The following MAP1S variants were observed in gnomAD, a reference collection of about 807,000 sequenced individuals.
MAP1S encodes microtubule associated protein 1S.
A neutral mutation model predicts 60.9 loss-of-function variants in MAP1S; 27 were observed. That is an observed-to-expected ratio of 0.44 (90% CI 0.33 to 0.61). The LOEUF is 0.61. MAP1S is among the 20% of genes least tolerant of loss of function. The probability of loss-of-function intolerance (pLI) is 0.03; values close to 1 mark genes in which losing one functional copy is unlikely to be tolerated. For synonymous variants in MAP1S, 826 were observed against 694.2 expected (o/e 1.19, Z -2.98); for missense variants, 1,608 against 1,486.6 (o/e 1.08, Z -1.34).
chr19:17,721,326 T>C (rs1280775718), intron 2 of MAP1S: 2 of 415,768 alleles, frequency 4.8e-6, no homozygotes, highest in Non-Finnish European at 9.1e-6. Context: ...GAAACTGCTA[T>C]GACTGGTGTG....
rs968904998 is a variant in MAP1S at position 17,728,558 on chromosome 19, C to CT, written c.2788+400dup. 3.7e-3 allele frequency among the ~76,000 whole-genome samples: 527 copies of CT among 142,674 alleles called. 2 individuals are homozygous for CT. The highest frequency in any genetic ancestry group is 7.4e-3 in the Middle Eastern group (2 of 272). 93.6% of individuals were successfully genotyped at this position (142,674 alleles called of 152,430 possible). A position where few individuals can be genotyped will look rare whatever the true frequency, so the allele number is the denominator to read the frequency against. On this transcript the variant is annotated intron_variant, in intron 5 of 6. Transcript: ENST00000324096. ...GCCACGGTGCCCTGCCAGTTCTGTT[C>CT]TTTTTTTTTTTTTTGAGACAGAATT...
rs1262629250 is a variant in MAP1S at position 17,727,680 on chromosome 19, A to G, written c.2296A>G (p.Ser766Gly). 1.2e-6 allele frequency: 2 copies of G among 1,609,614 alleles called. No individual in the cohort carries two copies. The highest frequency in any genetic ancestry group is 1.7e-6 in the Non-Finnish European group (2 of 1,179,534). ...TGCGTCCCCCGGCAGCTCGAATGAC[A>G]GCAGTGCCCGGTCACAGGAACGGGC... The part of the protein sequence containing the change: ...APASPGSSND[S>G]SARSQERAGG... The change falls in exon 5 of 7, where the codon AGC becomes GGC. Residue 766 changes from serine (S) to glycine (G), a missense_variant. Ser to Gly is a moderately conservative substitution (Grantham distance 56). This residue lies in a region of MAP1S where 1,167 missense variants were observed against 961.4 expected (regional missense o/e 1.21). Coordinates refer to ENST00000324096, the MANE Select transcript of MAP1S (RefSeq NM_018174.6). This position sits in a 1 kb window ranked among gnomAD's most constrained non-coding sequence, Gnocchi z 4.1.
intron 5 of MAP1S, chr19:17,732,978 G>A (rs2080504689): frequency 1.8e-6 from 1 of 541,898 alleles, no homozygotes; most frequent in Non-Finnish European, 3.3e-6. Flanking sequence ...CTTGAGCCCA[G>A]GAGTTTGTGA....
Position 17,725,130 on chromosome 19 carries a change from C to T in MAP1S, c.385C>T (p.Leu129=), listed in dbSNP as rs974722202. ...GPCLEETGEL[L]LQTGGFSPHH... ...CTGCCTGGAGGAGACGGGGGAGCTG[C>T]TGCTACAGACAGGGGGCTTCTCGCC... The change falls in exon 4 of 7, where the codon CTG becomes TTG. Residue 129 remains leucine, a synonymous_variant. Coordinates refer to ENST00000324096, the MANE Select transcript of MAP1S (RefSeq NM_018174.6). The surrounding 1 kb of genome is among the most constrained non-coding windows in gnomAD (Gnocchi z 4.2). The T allele has an allele frequency of 1.9e-6, 3 of 1,614,146 alleles. No individual in the cohort carries two copies. Among genetic ancestry groups the T allele is most frequent in the Non-Finnish European group, 2.5e-6 (3 of 1,180,020 alleles).
In MAP1S at chr19:17,727,917, C is replaced by T. The variant is rs781316449; in HGVS notation, c.2533C>T (p.Pro845Ser). 1.6e-5 allele frequency: 26 copies of T among 1,611,404 alleles called. No homozygotes were observed. Among genetic ancestry groups the T allele is most frequent in the Non-Finnish European group, 7.6e-6 (9 of 1,179,300 alleles). The change falls in exon 5 of 7, where the codon CCC becomes TCC. Residue 845 changes from proline (P) to serine (S), a missense_variant. Pro to Ser is a moderately conservative substitution (Grantham distance 74, BLOSUM62 -1). Coordinates refer to ENST00000324096, the MANE Select transcript of MAP1S (RefSeq NM_018174.6). The surrounding 1 kb of genome is among the most constrained non-coding windows in gnomAD (Gnocchi z 4.1). ...PDPSSICMVD[P>S]EMLPPKTARQ... The stretch of plus-strand genomic sequence containing the variant: ...CCCATCCAGCATCTGCATGGTGGAC[C>T]CCGAGATGCTGCCCCCCAAGACAGC...
chr19:17,729,945 G>A (rs2080478377), intron 5 of MAP1S, among the ~76,000 whole-genome samples: 1 of 152,186 alleles, frequency 6.6e-6, no homozygotes, highest in African/African-American at 2.4e-5. Context: ...ACAGACGTGA[G>A]CCACTGTGCC....
At chr19:17,732,795 C>A (rs994562222) in intron 5 of MAP1S, among the ~76,000 whole-genome samples, 1 of 152,132 alleles carries the variant, frequency 6.6e-6, no homozygotes, top group Non-Finnish European at 1.5e-5. Flanking sequence ...CACCCACTCG[C>A]CCCCCAGCCC....
In MAP1S at chr19:17,727,341, C is replaced by T. The variant is rs201969652; in HGVS notation, c.1957C>T (p.Arg653Trp). 6.9e-4 allele frequency: 1,090 copies of T among 1,587,944 alleles called. 2 individuals carry two copies. The highest frequency in any genetic ancestry group is 2.0e-3 in the Admixed American group (113 of 57,016). The change falls in exon 5 of 7, where the codon CGG becomes TGG. Residue 653 changes from arginine (R) to tryptophan (W), a missense_variant. Arg to Trp is a moderately radical substitution (Grantham distance 101). This residue lies in a region of MAP1S where 1,167 missense variants were observed against 961.4 expected (regional missense o/e 1.21). Transcript: ENST00000324096. The surrounding 1 kb of genome is among the most constrained non-coding windows in gnomAD (Gnocchi z 4.1). ...CCGGAGCCCCGCAGAGGGCAGCGAG[C>T]GGCTGTCGCTGAGCCCACTGCGGGG... is the stretch of plus-strand genomic sequence containing the variant. Reference protein sequence around the residue: ...SHRSPAEGSERLSLSPLRGGE... With the variant: ...SHRSPAEGSEWLSLSPLRGGE...
rs761733585 is a variant in MAP1S at position 17,726,026 on chromosome 19, G to T, written c.642G>T (p.Val214=). ...SEGLCEFLEY[V]AESLEPPSPF... ...GCCTGTGCGAATTCCTGGAGTACGT[G>T]GCTGAGTCTCTGGAGCCACCGTCCC... is the stretch of plus-strand genomic sequence containing the variant. Residue 214 remains valine, a synonymous_variant, in exon 5 of 7, where the codon GTG becomes GTT. Coordinates refer to ENST00000324096, the MANE Select transcript of MAP1S (RefSeq NM_018174.6). 2 of 1,613,058 alleles carry T rather than the reference G, an allele frequency of 1.2e-6. No individual in the cohort carries two copies. Among genetic ancestry groups the T allele is most frequent in the Non-Finnish European group, 1.7e-6 (2 of 1,179,690 alleles).
intron 5 of MAP1S, 55 bp from the exon 6 acceptor site, chr19:17,733,138 G>A (rs562915172): frequency 4.8e-5 from 60 of 1,255,164 alleles, no homozygotes; most frequent in South Asian, 8.7e-5. Flanking sequence ...TTGGAGCCTC[G>A]GCCCCTCCCC....
chr19:17,727,291 C>T lies in MAP1S; in HGVS notation c.1907C>T (p.Pro636Leu). 2 of 1,589,322 alleles carry T rather than the reference C, an allele frequency of 1.3e-6. No individual in the cohort carries two copies. The highest frequency in any genetic ancestry group is 1.7e-6 in the Non-Finnish European group (2 of 1,173,126). ...TTGGCCGCCAGCTCAATCCCAAGGC[C>T]ACGCACACCCTCCCCTGAGTCCCAC... The part of the protein sequence containing the change: ...LPLAASSIPR[P>L]RTPSPESHRS... Residue 636 changes from proline (P) to leucine (L), a missense_variant, in exon 5 of 7, where the codon CCA becomes CTA. This residue lies in a region of MAP1S where 1,167 missense variants were observed against 961.4 expected (regional missense o/e 1.21). Coordinates refer to ENST00000324096, the MANE Select transcript of MAP1S (RefSeq NM_018174.6). The surrounding 1 kb of genome is among the most constrained non-coding windows in gnomAD (Gnocchi z 4.1).
chr19:17,727,447 C>A lies in MAP1S; in HGVS notation c.2063C>A (p.Ser688Tyr). The change falls in exon 5 of 7, where the codon TCC (serine) becomes TAC (tyrosine). Residue 688 changes from serine (S) to tyrosine (Y), a missense_variant. Physicochemically the swap from Ser to Tyr is moderately radical, Grantham distance 144 (BLOSUM62 -2). Coordinates refer to ENST00000324096, the MANE Select transcript of MAP1S (RefSeq NM_018174.6). This position sits in a 1 kb window ranked among gnomAD's most constrained non-coding sequence, Gnocchi z 4.1. ...CCCTCACTACCCGCAGAGGTGGGCT[C>A]CCCGCACTCGACCGAGGTGGACGAG... ...TTPSLPAEVG[S>Y]PHSTEVDESL... The A allele has an allele frequency of 6.2e-7, 1 of 1,603,728 alleles. No homozygotes were observed. The highest frequency in any genetic ancestry group is 1.1e-5 in the South Asian group (1 of 89,890).
intron 5 of MAP1S, chr19:17,732,890 T>C (rs530589790): frequency 3.3e-5 from 13 of 390,674 alleles, no homozygotes; most frequent in Non-Finnish European, 5.5e-5. Flanking sequence ...GTAGAGTGAG[T>C]GAAGAGTCAC....
intron 5 of MAP1S, chr19:17,732,975 C>T (rs2080504632): frequency 9.2e-6 from 5 of 540,864 alleles, no homozygotes; most frequent in Non-Finnish European, 1.6e-5. Flanking sequence ...TCACTTGAGC[C>T]CAGGAGTTTG....
intron 5 of MAP1S, among the ~76,000 whole-genome samples, chr19:17,729,608 C>T (rs2031452250): frequency 6.6e-6 from 1 of 152,096 alleles, no homozygotes; most frequent in South Asian, 2.1e-4. Context: ...TGGGTTCAAG[C>T]AACCCTCCCA....
rs140768379 is a variant in MAP1S, at chr19:17,721,599, A to G, written c.220+562A>G. The G allele has an allele frequency of 3.2e-3, 606 of 187,560 alleles. 3 individuals carry two copies. The highest frequency in any genetic ancestry group is 0.014 in the African/African-American group (583 of 41,780). 11.6% of individuals were successfully genotyped at this position (187,560 alleles called of 1,614,324 possible). A position where few individuals can be genotyped will look rare whatever the true frequency, so the allele number is the denominator to read the frequency against. On this transcript the variant is annotated intron_variant, in intron 2 of 6. Coordinates refer to ENST00000324096, the MANE Select transcript of MAP1S (RefSeq NM_018174.6). ...TGAGGTGGGAGGATCACATGAACCCAGGAGGCAGAGGTTACAGTGGGGCTG... is the reference window on the plus strand; with the variant it reads ...TGAGGTGGGAGGATCACATGAACCCGGGAGGCAGAGGTTACAGTGGGGCTG...
In MAP1S at chr19:17,727,096, C is replaced by T; in HGVS notation, c.1712C>T (p.Ser571Phe). Residue 571 changes from serine (S) to phenylalanine (F), a missense_variant, in exon 5 of 7, where the codon TCT becomes TTT. Physicochemically the swap from Ser to Phe is radical, Grantham distance 155. Around this residue, in one of 4 missense-constraint regions of MAP1S, gnomAD observed 1,167 missense variants for 961.4 expected, o/e 1.21. Coordinates refer to ENST00000324096, the MANE Select transcript of MAP1S (RefSeq NM_018174.6). The surrounding 1 kb of genome is among the most constrained non-coding windows in gnomAD (Gnocchi z 4.1). The part of the protein sequence containing the change: ...KPRKAPSTSH[S>F]GFPPVANGPR... ...CGCAAAGCGCCCAGCACGTCCCACT[C>T]TGGCTTCCCGCCGGTGGCAAATGGA... is the stretch of plus-strand genomic sequence containing the variant. The T allele has an allele frequency of 6.3e-7, 1 of 1,600,000 alleles. No individual in the cohort carries two copies. Among genetic ancestry groups the T allele is most frequent in the Non-Finnish European group, 8.5e-7 (1 of 1,174,884 alleles).
At position 17,726,509 on chromosome 19, in the gene MAP1S, C is replaced by T. The variant is rs1489633693; in HGVS notation, c.1125C>T (p.Gly375=). The change falls in exon 5 of 7, where the codon GGC becomes GGT. Residue 375 remains glycine, a synonymous_variant. Coordinates refer to ENST00000324096, the MANE Select transcript of MAP1S (RefSeq NM_018174.6). Reference sequence around the variant, plus strand: ...TCACGCCTCTGCCACTCAGCCGCGGCCCCGTGCCAGCCAAACCCACCGTGC... The same window carrying T: ...TCACGCCTCTGCCACTCAGCCGCGGTCCCGTGCCAGCCAAACCCACCGTGC... ...LGITPLPLSR[G]PVPAKPTVLF... is the part of the protein sequence containing the mutation. The T allele has an allele frequency of 4.5e-6, 7 of 1,552,558 alleles. No individual in the cohort carries two copies. Among genetic ancestry groups the T allele is most frequent in the Non-Finnish European group, 6.1e-6 (7 of 1,153,320 alleles).
In MAP1S at chr19:17,728,125, T is replaced by G; in HGVS notation, c.2741T>G (p.Leu914Arg). 1 of 1,610,400 alleles carries G rather than the reference T, an allele frequency of 6.2e-7. No individual in the cohort carries two copies. The highest frequency in any genetic ancestry group is 2.2e-5 in the East Asian group (1 of 44,814). ...AGTGAGAAGGGAGGCCGGGCACCCCTGTCCAGAAAGTCCTCAACCCCCAAG... is the reference window on the plus strand; with the variant it reads ...AGTGAGAAGGGAGGCCGGGCACCCCGGTCCAGAAAGTCCTCAACCCCCAAG... ...EPSEKGGRAP[L>R]SRKSSTPKTA... is the part of the protein sequence containing the mutation. Residue 914 changes from leucine to arginine, a missense_variant, in exon 5 of 7, where the codon CTG becomes CGG. Physicochemically the swap from Leu to Arg is moderately radical, Grantham distance 102 (BLOSUM62 -2). This residue lies in a region of MAP1S where 1,167 missense variants were observed against 961.4 expected (regional missense o/e 1.21). Coordinates refer to ENST00000324096, the MANE Select transcript of MAP1S (RefSeq NM_018174.6).
Sources: allele counts gnomAD v4.1 joint callset (sites outside exome capture counted in the v4.1 genomes callset), GRCh38; gene constraint gnomAD v4.1.1; regional missense constraint gnomAD v4.1.1; non-coding constraint Gnocchi (gnomAD v3.1); transcripts MANE v1.5; gene names NCBI Gene and HGNC (gene_info 2026-07-23, HGNC 2026-07-21).